Variants in GPATCH2 observed in about 807,000 individuals in gnomAD.
GPATCH2 encodes the protein G-patch domain containing 2, also known as G patch domain-containing protein 2.
Under a neutral mutation model 58.0 loss-of-function variants are expected in GPATCH2, and 51 were observed. That is an observed-to-expected ratio of 0.88 (90% CI 0.70 to 1.11). The LOEUF (loss-of-function observed/expected upper bound fraction) is 1.11. Among genes scored for constraint, GPATCH2 ranks in the 50% most tolerant of loss-of-function variants. GPATCH2 has a pLI of 0.00. For synonymous variants in GPATCH2, 222 were observed against 218.5 expected (o/e 1.02, Z -0.14); for missense variants, 625 against 652.2 (o/e 0.96, Z 0.45).
intron 5 of GPATCH2, among the ~76,000 whole-genome samples, chr1:217,530,051 A>T (rs562114443): frequency 6.6e-6 from 1 of 152,382 alleles, no homozygotes; most frequent in South Asian, 2.1e-4. Context: ...TGACAAAGAC[A>T]TAACCTTTGT....
intron 5 of GPATCH2, among the ~76,000 whole-genome samples, chr1:217,606,687 G>A (rs1341153363): frequency 6.6e-6 from 1 of 152,038 alleles, no homozygotes; most frequent in East Asian, 1.9e-4. Flanking sequence ...GCTGCAGTGA[G>A]CCTTGATTGT....
Position 217,432,755 on chromosome 1 carries a change from AAG to A in GPATCH2, c.1367-1392_1367-1391del, listed in dbSNP as rs370377347. On this transcript the variant is annotated intron_variant, in intron 9 of 9. Transcript: ENST00000366935. ...AATATTGCAGTCTTTGAGAAAAAAA[AAG>A]AGAGATGAAAGTCTATCTTAAAAGA... is the stretch of plus-strand genomic sequence containing the variant. 3.2e-4 allele frequency among the ~76,000 whole-genome samples: 49 copies of A among 152,306 alleles called. No individual in the cohort carries two copies. The South Asian group carries it at 6.0e-3, about 19-fold the overall frequency.
intron 8 of GPATCH2, among the ~76,000 whole-genome samples, chr1:217,471,711 C>CTTTT (rs574348062): frequency 0.018 from 2,656 of 151,206 alleles, 77 homozygotes; most frequent in African/African-American, 0.06. Context: ...TCTATTGTCA[C>CTTTT]TTTTTTTTTC....
chr1:217,481,972 CTTAT>C (rs200728935), intron 8 of GPATCH2, among the ~76,000 whole-genome samples: 1,948 of 152,228 alleles, frequency 0.013, 22 homozygotes, highest in Middle Eastern at 0.024. Flanking sequence ...CTAACATCCA[CTTAT>C]TTGTTATTGT....
intron 5 of GPATCH2, among the ~76,000 whole-genome samples, chr1:217,560,646 C>T (rs1410811252): frequency 6.6e-6 from 1 of 152,158 alleles, no homozygotes; most frequent in Non-Finnish European, 1.5e-5. Flanking sequence ...TCTGTAGGTG[C>T]TTCATTTACA....
chr1:217,534,574 G>GA (rs34766373), intron 5 of GPATCH2, among the ~76,000 whole-genome samples: 24 of 147,332 alleles, frequency 1.6e-4, no homozygotes, highest in East Asian at 2.0e-4. Context: ...TACAGTCTGT[G>GA]AAAAAAAAAA....
At chr1:217,625,495 AAC>A (rs1485640244) in intron 1 of GPATCH2, among the ~76,000 whole-genome samples, 1 of 152,218 alleles carries the variant, frequency 6.6e-6, no homozygotes, top group African/African-American at 2.4e-5. Flanking sequence ...CCGAGAAATA[AAC>A]AGTCAACTAT....
intron 8 of GPATCH2, among the ~76,000 whole-genome samples, chr1:217,468,346 C>T (rs1446703503): frequency 6.6e-6 from 1 of 152,114 alleles, no homozygotes. Context: ...ACCTGAATCT[C>T]TAATCAGTTC....
At chr1:217,555,469 T>C (rs1436005367) in intron 5 of GPATCH2, among the ~76,000 whole-genome samples, 1 of 152,146 alleles carries the variant, frequency 6.6e-6, no homozygotes, top group South Asian at 2.1e-4. Flanking sequence ...CGTTAGGGTA[T>C]GAAGGTTTAG....
At chr1:217,517,024 T>C (rs1663195650) in intron 5 of GPATCH2, among the ~76,000 whole-genome samples, 2 of 152,298 alleles carry the variant, frequency 1.3e-5, no homozygotes, top group South Asian at 4.1e-4. Flanking sequence ...TATAGCTAAT[T>C]TATACCATAA....
At chr1:217,440,341 AG>A (rs1322950812) in intron 9 of GPATCH2, among the ~76,000 whole-genome samples, 1 of 152,240 alleles carries the variant, frequency 6.6e-6, no homozygotes, top group Non-Finnish European at 1.5e-5. Flanking sequence ...TCAATAAACT[AG>A]GTATTGATGA....
intron 5 of GPATCH2, chr1:217,608,432 G>A (rs1034006957): frequency 7.1e-5 from 70 of 984,776 alleles, no homozygotes; most frequent in Non-Finnish European, 8.1e-5. Context: ...TTACAATTTA[G>A]AGAGGGAAAG....
At chr1:217,547,471 T>A (rs974092029) in intron 5 of GPATCH2, among the ~76,000 whole-genome samples, 1 of 152,140 alleles carries the variant, frequency 6.6e-6, no homozygotes, top group Non-Finnish European at 1.5e-5. Flanking sequence ...TGGCAATTCC[T>A]CAAAGACTTA....
At chr1:217,600,869 A>G (rs1668071747) in intron 5 of GPATCH2, among the ~76,000 whole-genome samples, 2 of 152,134 alleles carry the variant, frequency 1.3e-5, no homozygotes, top group South Asian at 4.1e-4. Flanking sequence ...TGATGATCAC[A>G]GTCTAAGACG....
chr1:217,522,522 C>G (rs1271264102), intron 5 of GPATCH2, among the ~76,000 whole-genome samples: 1 of 152,076 alleles, frequency 6.6e-6, no homozygotes. Context: ...ATTTATGAAC[C>G]TTGCAATATT....
intron 6 of GPATCH2, among the ~76,000 whole-genome samples, chr1:217,509,670 G>A (rs1408969959): frequency 6.6e-6 from 1 of 152,120 alleles, no homozygotes; most frequent in Non-Finnish European, 1.5e-5. Flanking sequence ...GGTGCCTTCT[G>A]AATGCTTTCC....
intron 7 of GPATCH2, 59 bp downstream of exon 7, chr1:217,498,297 G>T: frequency 8.1e-7 from 1 of 1,241,660 alleles, no homozygotes; most frequent in Non-Finnish European, 1.2e-6. Flanking sequence ...CCTGAAGGGA[G>T]ACAGTTAAAT....
At chr1:217,611,454 T>C (rs1668628521) in intron 3 of GPATCH2, among the ~76,000 whole-genome samples, 2 of 152,126 alleles carry the variant, frequency 1.3e-5, no homozygotes, top group South Asian at 2.1e-4. Flanking sequence ...AAATATTATG[T>C]TTTAGAACCA....
rs574542556 is a variant in GPATCH2 at position 217,472,451 on chromosome 1, G to A, written c.1277+19229C>T. On this transcript the variant is annotated intron_variant, in intron 8 of 9. Transcript: ENST00000366935. ...CGAGTGGCTGGGACTACAGGCGCCCGCCACCACGCCGGGCTAATTTTTTTG... is the reference window on the plus strand; with the variant it reads ...CGAGTGGCTGGGACTACAGGCGCCCACCACCACGCCGGGCTAATTTTTTTG... 7.6e-4 allele frequency among the ~76,000 whole-genome samples: 115 copies of A among 152,000 alleles called. No homozygotes were observed. In the Middle Eastern group the frequency reaches 0.01, roughly 14 times the overall value.
Sources: gnomAD v4.1 joint callset for allele counts (sites outside exome capture counted in the v4.1 genomes callset) on GRCh38, gnomAD v4.1.1 for gene constraint, MANE v1.5 for transcripts, NCBI Gene and HGNC (gene_info 2026-07-23, HGNC 2026-07-21) for gene names.